Variants in MEGF9 observed in about 807,000 individuals in gnomAD.
The protein encoded by MEGF9 is multiple EGF like domains 9, also known as multiple epidermal growth factor-like domains protein 9.
A neutral mutation model predicts 46.8 loss-of-function variants in MEGF9; 6 were observed. The observed-to-expected ratio is 0.13, with a 90% CI of 0.07 to 0.25. The LOEUF is 0.25. Among genes scored for constraint, MEGF9 ranks in the 10% least tolerant of loss-of-function variants. The pLI is 1.00. For synonymous variants in MEGF9, 302 were observed against 330.7 expected (o/e 0.91, Z 0.94); for missense variants, 683 against 792.4 (o/e 0.86, Z 1.66).
chr9:120,614,524 C>G (rs1364075092), intron 3 of MEGF9, among the ~76,000 whole-genome samples: 4 of 152,090 alleles, frequency 2.6e-5, no homozygotes, highest in Admixed American at 2.6e-4. Context: ...TGGCTTCTTT[C>G]AGATCTTCTT....
chr9:120,695,010 A>T (rs187716204), intron 1 of MEGF9, among the ~76,000 whole-genome samples: 4 of 151,904 alleles, frequency 2.6e-5, no homozygotes, highest in Non-Finnish European at 5.9e-5. Context: ...CTAGGAATTA[A>T]TCTAGGTGCT....
intron 2 of MEGF9, among the ~76,000 whole-genome samples, chr9:120,657,705 G>A (rs1029350097): frequency 6.6e-6 from 1 of 152,120 alleles, no homozygotes; most frequent in African/African-American, 2.4e-5. Context: ...ACAGCGTTAA[G>A]CTACCACTCT....
intron 1 of MEGF9, among the ~76,000 whole-genome samples, chr9:120,686,413 A>G (rs1564427907): frequency 6.6e-6 from 1 of 152,214 alleles, no homozygotes; most frequent in Non-Finnish European, 1.5e-5. Flanking sequence ...AGAGTTTCAA[A>G]TTTGCAAGAT....
intron 1 of MEGF9, among the ~76,000 whole-genome samples, chr9:120,667,592 A>G (rs942048615): frequency 1.3e-5 from 2 of 152,180 alleles, no homozygotes. Flanking sequence ...AACTTCACCC[A>G]TTTTCACAAG....
chr9:120,604,008 C>T lies in MEGF9; in HGVS notation c.*1182G>A, dbSNP rs1009718311. On this transcript the variant is annotated 3_prime_UTR_variant, in exon 6 of 6. Transcript: ENST00000373930. ...CCTTTGGAAGACTATCTTTTACATT[C>T]AAGAAAAACATTTTTTAATGAGGAT... The T allele has an allele frequency of 2.0e-5, 3 of 152,676 alleles. No individual in the cohort carries two copies. In the East Asian group the frequency reaches 5.8e-4, roughly 29 times the overall value. 9.5% of individuals were successfully genotyped at this position (152,676 alleles called of 1,614,324 possible).
intron 1 of MEGF9, among the ~76,000 whole-genome samples, chr9:120,710,337 TCGCTTGA>T (rs2043947488): frequency 6.8e-6 from 1 of 147,820 alleles, no homozygotes; most frequent in African/African-American, 2.5e-5. Flanking sequence ...CTGAGGAGAA[TCGCTTGA>T]ACCCGGGAGG....
intron 1 of MEGF9, among the ~76,000 whole-genome samples, chr9:120,675,656 A>AAG (rs1005439106): frequency 1.7e-3 from 50 of 29,118 alleles, no homozygotes; most frequent in Middle Eastern, 0.026. Context: ...TGGGAGGCCG[A>AAG]GGGGGGTGGA....
chr9:120,658,225 G>A (rs2043686309), intron 2 of MEGF9, among the ~76,000 whole-genome samples: 1 of 152,164 alleles, frequency 6.6e-6, no homozygotes, highest in Non-Finnish European at 1.5e-5. Context: ...GGCCTCAAGT[G>A]ATCCACCCGC....
intron 3 of MEGF9, among the ~76,000 whole-genome samples, chr9:120,618,057 G>A (rs971342563): frequency 8.5e-5 from 13 of 152,094 alleles, no homozygotes; most frequent in African/African-American, 3.1e-4. Context: ...TTTGAGTGTG[G>A]AGATCAACGG....
chr9:120,653,115 G>A (rs184036463), intron 2 of MEGF9, among the ~76,000 whole-genome samples: 2 of 152,300 alleles, frequency 1.3e-5, no homozygotes, highest in African/African-American at 4.8e-5. Context: ...TAGCAGAGCA[G>A]AACACAGAGC....
chr9:120,698,150 A>C (rs982663501), intron 1 of MEGF9, among the ~76,000 whole-genome samples: 2 of 152,220 alleles, frequency 1.3e-5, no homozygotes, highest in Non-Finnish European at 1.5e-5. Context: ...AGAAAGTATA[A>C]GTTATAATAG....
intron 1 of MEGF9, among the ~76,000 whole-genome samples, chr9:120,676,942 C>T (rs2043775718): frequency 2.0e-5 from 3 of 152,050 alleles, no homozygotes; most frequent in Non-Finnish European, 4.4e-5. Flanking sequence ...CCAGAGTTAG[C>T]GGGTAAGTGG....
At position 120,686,296 on chromosome 9, in the gene MEGF9, T is replaced by C. The variant is rs535869120; in HGVS notation, c.602-26721A>G. 2.6e-5 allele frequency among the ~76,000 whole-genome samples: 4 copies of C among 152,278 alleles called. No individual in the cohort carries two copies. In the South Asian group the frequency reaches 8.3e-4, roughly 32 times the overall value. ...TAGTAGAGACGGGGTTTCACTGTGG[T>C]CTCAATCTCCTAACCTCGTGATCCG... On this transcript the variant is annotated intron_variant, in intron 1 of 5. Transcript: ENST00000373930.
In MEGF9 at chr9:120,601,766, T is replaced by C. The variant is rs2043397120; in HGVS notation, c.*3424A>G. 1 of 152,008 alleles carries C rather than the reference T, an allele frequency of 6.6e-6. No homozygotes were observed. Among genetic ancestry groups the C allele is most frequent in the African/African-American group, 2.4e-5 (1 of 41,390 alleles). 9.4% of individuals were successfully genotyped at this position (152,008 alleles called of 1,614,324 possible). A position where few individuals can be genotyped will look rare whatever the true frequency, so the allele number is the denominator to read the frequency against. On this transcript the variant is annotated 3_prime_UTR_variant, in exon 6 of 6. Coordinates refer to ENST00000373930, the MANE Select transcript of MEGF9 (RefSeq NM_001080497.3). The stretch of plus-strand genomic sequence containing the variant: ...AGAAATTCCATTAATAAAAGAACCC[T>C]AGGGGATAGAGGGTAGAGGGAGCGA...
At chr9:120,672,331 G>C (rs1408243113) in intron 1 of MEGF9, among the ~76,000 whole-genome samples, 1 of 152,012 alleles carries the variant, frequency 6.6e-6, no homozygotes, top group Admixed American at 6.6e-5. Flanking sequence ...AGCTCGACAC[G>C]TATAAAATCC....
At chr9:120,648,999 G>A (rs781607516) in intron 2 of MEGF9, among the ~76,000 whole-genome samples, 3 of 152,254 alleles carry the variant, frequency 2.0e-5, no homozygotes, top group East Asian at 1.9e-4. Flanking sequence ...CCACCATACC[G>A]AAGTCTTCAG....
At chr9:120,676,820 T>C (rs1167099822) in intron 1 of MEGF9, among the ~76,000 whole-genome samples, 1 of 152,198 alleles carries the variant, frequency 6.6e-6, no homozygotes, top group African/African-American at 2.4e-5. Context: ...TGTTGCACAT[T>C]TTACTTGCAT....
At chr9:120,667,923 G>A (rs557668831) in intron 1 of MEGF9, among the ~76,000 whole-genome samples, 1 of 152,190 alleles carries the variant, frequency 6.6e-6, no homozygotes, top group Non-Finnish European at 1.5e-5. Flanking sequence ...TACTCCGGAG[G>A]CTGAGGCAGG....
At chr9:120,653,733 A>G (rs2043664138) in intron 2 of MEGF9, among the ~76,000 whole-genome samples, 1 of 152,230 alleles carries the variant, frequency 6.6e-6, no homozygotes, top group South Asian at 2.1e-4. Flanking sequence ...CAATAGAAGT[A>G]TAAATTTATC....
Sources: gnomAD v4.1 joint callset for allele counts (sites outside exome capture counted in the v4.1 genomes callset) on GRCh38, gnomAD v4.1.1 for gene constraint, MANE v1.5 for transcripts, NCBI Gene and HGNC (gene_info 2026-07-23, HGNC 2026-07-21) for gene names.